NRAP: variants seen among roughly 807,000 people sequenced by gnomAD.
NRAP encodes the protein nebulin-related-anchoring protein.
A neutral mutation model predicts 225.9 loss-of-function variants in NRAP; 189 were observed. The observed-to-expected ratio is 0.84, with a 90% CI of 0.74 to 0.94. The LOEUF is 0.94. Ranked by LOEUF, NRAP falls within the 40% of genes least tolerant of loss-of-function variation. The probability of loss-of-function intolerance (pLI) is 0.00; values close to 1 mark genes in which losing one functional copy is unlikely to be tolerated. For synonymous variants in NRAP, 769 were observed against 790.7 expected (o/e 0.97, Z 0.46); for missense variants, 2,176 against 2,168.7 (o/e 1.00, Z -0.07).
chr10:113,628,861 CT>C, intron 20 of NRAP, 55 bp downstream of exon 20: 1 of 923,948 alleles, frequency 1.1e-6, no homozygotes. Flanking sequence ...AAAGATCACC[CT>C]GCATGTGTCA....
At chr10:113,618,099 G>A (rs745592673) in intron 25 of NRAP, among the ~76,000 whole-genome samples, 3 of 151,588 alleles carry the variant, frequency 2.0e-5, no homozygotes, top group Admixed American at 6.6e-5. Context: ...ACAGGAAAAA[G>A]GGTGCTATTA....
chr10:113,624,858 G>A lies in NRAP; in HGVS notation c.2317C>T (p.Gln773Ter), dbSNP rs773358266. 6.2e-7 allele frequency: 1 copy of A among 1,614,068 alleles called. No individual in the cohort carries two copies. The highest frequency in any genetic ancestry group is 2.2e-5 in the East Asian group (1 of 44,878). The change falls in exon 22 of 42, where the codon CAG becomes TAG. Residue 773 changes from glutamine (Q) to a stop codon, truncating the protein, a stop_gained. Transcript: ENST00000359988. LOFTEE classifies it high-confidence loss of function. ...TISKDEPLFL[Q>*]ARANAANLSE... is the part of the protein sequence containing the mutation. ...AGATTTGCAGCATTGGCTCGGGCCT[G>A]CAGGAAGAGAGGCTCGTCTTTGCTG...
intron 3 of NRAP, among the ~76,000 whole-genome samples, chr10:113,661,055 T>C (rs1850642498): frequency 6.6e-6 from 1 of 152,222 alleles, no homozygotes; most frequent in Non-Finnish European, 1.5e-5. Flanking sequence ...ATATTTATTG[T>C]AATTTCATGT....
In NRAP at chr10:113,604,855, G is replaced by GTC. The variant is rs1846847047; in HGVS notation, c.3979_3980dup (p.Asp1327GlufsTer70). The GTC allele has an allele frequency of 6.2e-7, 1 of 1,614,066 alleles. No homozygotes were observed. On this transcript the variant is annotated frameshift_variant, in exon 35 of 42. Coordinates refer to ENST00000359988, the MANE Select transcript of NRAP (RefSeq NM_198060.4). LOFTEE classifies it high-confidence loss of function. The stretch of plus-strand genomic sequence containing the variant: ...GCCGGCAGTGCTGGATCCGGGGGTC[G>GTC]TCTCTTACACTCTGGGGCCCTATGA...
chr10:113,598,096 CT>C (rs1323481058), intron 35 of NRAP, 23 bp from the exon 36 acceptor site: 1 of 1,477,846 alleles, frequency 6.8e-7, no homozygotes, highest in South Asian at 1.1e-5. Flanking sequence ...AAATCATGGG[CT>C]TTATCAGGAG....
chr10:113,626,241 G>T, intron 20 of NRAP, 96 bp from the exon 21 acceptor site: 1 of 773,086 alleles, frequency 1.3e-6, no homozygotes, highest in Non-Finnish European at 2.1e-6. Context: ...TCTTTCTGTG[G>T]TCCAAGCATT....
In NRAP at chr10:113,588,969, C is replaced by T. The variant is rs1845751295; in HGVS notation, c.*6G>A. 1 of 1,511,936 alleles carries T rather than the reference C, an allele frequency of 6.6e-7. No individual in the cohort carries two copies. The highest frequency in any genetic ancestry group is 2.4e-5 in the East Asian group (1 of 41,994). The allele number at this position is 1,511,936 out of a possible 1,614,324, so 93.7% of individuals were successfully genotyped here. Reference sequence around the variant, plus strand: ...CTGGCCTCTCAGGAATCAGGGTGGACATGGCTCACAACAGCAGGGCCTTCT... The same window carrying T: ...CTGGCCTCTCAGGAATCAGGGTGGATATGGCTCACAACAGCAGGGCCTTCT... On this transcript the variant is annotated 3_prime_UTR_variant, in exon 42 of 42. Transcript: ENST00000359988.
chr10:113,624,971 G>A, intron 21 of NRAP, 41 bp from the exon 22 acceptor site: 1 of 1,286,852 alleles, frequency 7.8e-7, no homozygotes, highest in Non-Finnish European at 1.1e-6. Flanking sequence ...GGTGGCAAGG[G>A]CGAGGTGGGC....
chr10:113,612,091 T>G (rs1847364027), intron 30 of NRAP, 143 bp downstream of exon 30: 2 of 639,180 alleles, frequency 3.1e-6, no homozygotes, highest in South Asian at 3.9e-5. Context: ...GTGCAGGAAC[T>G]CTCAGACTGG....
intron 24 of NRAP, 26 bp from the exon 25 acceptor site, chr10:113,620,734 A>C: frequency 6.5e-7 from 1 of 1,531,006 alleles, no homozygotes; most frequent in Non-Finnish European, 9.0e-7. Context: ...GAAAAAAAAA[A>C]AAAGCAGGCC....
intron 35 of NRAP, among the ~76,000 whole-genome samples, chr10:113,602,294 C>T (rs937744489): frequency 1.3e-5 from 2 of 152,202 alleles, no homozygotes; most frequent in South Asian, 4.1e-4. Flanking sequence ...GCTCCACCTC[C>T]CATACCTCTC....
chr10:113,656,898 AT>A (rs895875126), intron 4 of NRAP, among the ~76,000 whole-genome samples: 40 of 151,862 alleles, frequency 2.6e-4, no homozygotes, highest in East Asian at 7.7e-4. Context: ...TACTGTTTGG[AT>A]TTTTTTTTAT....
intron 3 of NRAP, among the ~76,000 whole-genome samples, chr10:113,657,875 T>C (rs773645914): frequency 1.3e-5 from 2 of 152,296 alleles, no homozygotes; most frequent in South Asian, 2.1e-4. Context: ...TCAGAAAACA[T>C]TGGGCATTAG....
intron 3 of NRAP, among the ~76,000 whole-genome samples, chr10:113,659,290 C>T (rs7907942): frequency 0.17 from 25,330 of 151,990 alleles, 2,312 homozygotes; most frequent in African/African-American, 0.25. Context: ...TTAAGAGCAT[C>T]CCAGGTCTCC....
chr10:113,595,528 C>T, intron 38 of NRAP, 95 bp downstream of exon 38: 1 of 759,208 alleles, frequency 1.3e-6, no homozygotes, highest in Non-Finnish European at 2.3e-6. Flanking sequence ...GTCCTCCTTC[C>T]TAGAACTTTT....
At chr10:113,644,270 T>C (rs1849376433) in intron 11 of NRAP, among the ~76,000 whole-genome samples, 2 of 150,884 alleles carry the variant, frequency 1.3e-5, no homozygotes, top group Admixed American at 6.6e-5. Context: ...CAGAATTAGA[T>C]ACTTTACTTT....
At chr10:113,646,821 C>T (rs1849540045) in intron 10 of NRAP, 102 bp downstream of exon 10, 1 of 821,032 alleles carries the variant, frequency 1.2e-6, no homozygotes, top group Admixed American at 1.8e-5. Context: ...TACTTTGGCT[C>T]AGCTATAATA....
intron 31 of NRAP, among the ~76,000 whole-genome samples, chr10:113,609,854 G>A (rs2133920674): frequency 6.6e-6 from 1 of 152,074 alleles, no homozygotes; most frequent in African/African-American, 2.4e-5. Flanking sequence ...AAGGGACACA[G>A]AGAGAATATC....
intron 36 of NRAP, among the ~76,000 whole-genome samples, chr10:113,597,624 C>CTA (rs1177466176): frequency 1.3e-5 from 2 of 152,178 alleles, no homozygotes; most frequent in African/African-American, 4.8e-5. Flanking sequence ...AATTTTAACA[C>CTA]TATCAGAAAT....
Sources: gnomAD v4.1 joint callset for allele counts (sites outside exome capture counted in the v4.1 genomes callset) on GRCh38, gnomAD v4.1.1 for gene constraint, MANE v1.5 for transcripts, NCBI Gene and HGNC (gene_info 2026-07-23, HGNC 2026-07-21) for gene names.